Variants in FOXP1 observed in about 807,000 individuals in gnomAD.
FOXP1 encodes forkhead box P1.
Under a neutral mutation model 98.2 loss-of-function variants are expected in FOXP1, and 15 were observed. The observed-to-expected ratio is 0.15, with a 90% confidence interval of 0.10 to 0.24. The LOEUF (loss-of-function observed/expected upper bound fraction) is 0.24, where lower values mean the gene tolerates loss of function less well. Ranked by LOEUF, FOXP1 falls within the 10% of genes least tolerant of loss-of-function variation. The pLI is 1.00. For synonymous variants in FOXP1, 371 were observed against 314.5 expected (o/e 1.18, Z -1.90); for missense variants, 633 against 848.5 (o/e 0.75, Z 3.15).
chr3:71,015,601 A>G lies in FOXP1; in HGVS notation c.922T>C (p.Cys308Arg). ...ACTGCTTCACAGCCTGGCCACTTGC[A>G]TACACCATGTCCATAGAGAGGATGG... ...HSHPLYGHGV[C>R]KWPGCEAVCE... Residue 308 changes from cysteine (C) to arginine (R), a missense_variant, in exon 12 of 21, where the codon TGC (cysteine) becomes CGC (arginine). This residue lies in a region of FOXP1 where 23 missense variants were observed against 92.9 expected (regional missense o/e 0.25). Coordinates refer to ENST00000649528, the MANE Select transcript of FOXP1 (RefSeq NM_001349338.3). 1 of 1,613,450 alleles carries G rather than the reference A, an allele frequency of 6.2e-7. No individual in the cohort carries two copies. Among genetic ancestry groups the G allele is most frequent in the Non-Finnish European group, 8.5e-7 (1 of 1,179,490 alleles).
At chr3:71,028,008 T>TA (rs2046359259) in intron 11 of FOXP1, among the ~76,000 whole-genome samples, 1 of 152,132 alleles carries the variant, frequency 6.6e-6, no homozygotes, top group Admixed American at 6.5e-5. Flanking sequence ...TAACATTTGA[T>TA]CTGGGCCTTA....
intron 11 of FOXP1, among the ~76,000 whole-genome samples, chr3:71,027,421 T>A (rs2046278302): frequency 6.6e-6 from 1 of 152,192 alleles, no homozygotes; most frequent in African/African-American, 2.4e-5. Context: ...TAGCCAAAGA[T>A]ACAAAATGGC....
intron 6 of FOXP1, among the ~76,000 whole-genome samples, chr3:71,131,236 A>T (rs2059552678): frequency 6.6e-6 from 1 of 152,042 alleles, no homozygotes; most frequent in Admixed American, 6.5e-5. Flanking sequence ...CCAGATGCCT[A>T]GCTTGCCTAA....
At chr3:71,319,641 C>T (rs767435073) in intron 4 of FOXP1, among the ~76,000 whole-genome samples, 2 of 152,114 alleles carry the variant, frequency 1.3e-5, no homozygotes, top group South Asian at 2.1e-4. Flanking sequence ...CATCCTGCAG[C>T]CCACACCATG....
At position 71,083,097 on chromosome 3, in the gene FOXP1, C is replaced by A. The variant is rs535065937; in HGVS notation, c.283-29324G>T. ...ATATAGTTTGAATATATGTCCCCAC[C>A]AAATCTTGTGTTGAACTGTAATCCC... On this transcript the variant is annotated intron_variant, in intron 7 of 20. Coordinates refer to ENST00000649528, the MANE Select transcript of FOXP1 (RefSeq NM_001349338.3). 6.4e-4 allele frequency among the ~76,000 whole-genome samples: 98 copies of A among 152,228 alleles called. 2 individuals are homozygous for A. Among genetic ancestry groups the A allele is most frequent in the African/African-American group, 2.2e-3 (92 of 41,532 alleles).
intron 5 of FOXP1, chr3:71,276,306 G>A (rs2070881821): frequency 6.6e-6 from 1 of 152,124 alleles, no homozygotes; most frequent in South Asian, 2.1e-4. Flanking sequence ...TCAAAAGGTA[G>A]TCTGTGAGCT....
chr3:71,579,620 T>G (rs979973863), intron 2 of FOXP1, among the ~76,000 whole-genome samples: 15 of 111,706 alleles, frequency 1.3e-4, no homozygotes, highest in Non-Finnish European at 2.7e-4. Context: ...TTTTTTCTTT[T>G]TTTTCTTTTT....
At chr3:71,476,457 G>A (rs563982286) in intron 3 of FOXP1, among the ~76,000 whole-genome samples, 1 of 152,106 alleles carries the variant, frequency 6.6e-6, no homozygotes, top group South Asian at 2.1e-4. Context: ...GTGGTGTGCA[G>A]TTACACATCA....
intron 6 of FOXP1, among the ~76,000 whole-genome samples, chr3:71,147,965 A>G (rs909612038): frequency 1.3e-5 from 2 of 152,250 alleles, no homozygotes; most frequent in Non-Finnish European, 2.9e-5. Context: ...AAAACACTAG[A>G]GAAATATTTG....
rs549642591 is a variant in FOXP1 at position 71,043,926 on chromosome 3, T to C, written c.665-2394A>G. ...GGCTGGCAATCAGTTCCATTATCCA[T>C]AGAGAAAAATGGTAAATAAAAATAG... On this transcript the variant is annotated intron_variant, in intron 10 of 20. Coordinates refer to ENST00000649528, the MANE Select transcript of FOXP1 (RefSeq NM_001349338.3). Among the ~76,000 whole-genome samples, 6 of 152,280 alleles carry C rather than the reference T, an allele frequency of 3.9e-5. No individual in the cohort carries two copies. The East Asian group carries it at 7.7e-4, about 20-fold the overall frequency.
intron 12 of FOXP1, among the ~76,000 whole-genome samples, chr3:71,005,325 A>AAAC (rs2042638520): frequency 6.7e-6 from 1 of 148,680 alleles, no homozygotes; most frequent in East Asian, 2.0e-4. Flanking sequence ...AAAAAAAAAA[A>AAAC]AAAAAAAAAA....
chr3:70,971,188 C>T (rs2107166540), intron 18 of FOXP1: 3 of 293,350 alleles, frequency 1.0e-5, no homozygotes, highest in East Asian at 8.5e-5. Context: ...CTGCTGGGCA[C>T]GAGCAGAGAG....
At chr3:71,028,021 G>A (rs914149379) in intron 11 of FOXP1, among the ~76,000 whole-genome samples, 3 of 152,074 alleles carry the variant, frequency 2.0e-5, no homozygotes, top group Admixed American at 1.3e-4. Flanking sequence ...GGGCCTTAAC[G>A]TATCAGTAGG....
rs182860985 is a variant in FOXP1 at position 71,109,694 on chromosome 3, T to C, written c.282+2842A>G. On this transcript the variant is annotated intron_variant, in intron 7 of 20. Coordinates refer to ENST00000649528, the MANE Select transcript of FOXP1 (RefSeq NM_001349338.3). ...ATTCCTTCTGTGAATCACCAGTCTA[T>C]ATGCATATTTTTATAATGAGGTAAT... Among the ~76,000 whole-genome samples the C allele has an allele frequency of 2.6e-3, 393 of 152,294 alleles. 1 individual carries two copies. The highest frequency in any genetic ancestry group is 6.8e-3 in the Middle Eastern group (2 of 294).
intron 5 of FOXP1, among the ~76,000 whole-genome samples, chr3:71,271,966 T>A (rs1055487593): frequency 6.6e-6 from 1 of 152,200 alleles, no homozygotes; most frequent in Non-Finnish European, 1.5e-5. Context: ...GATGAATACA[T>A]ATAAGGCATT....
chr3:70,985,561 C>T (rs1046805485), intron 14 of FOXP1, among the ~76,000 whole-genome samples: 2 of 152,022 alleles, frequency 1.3e-5, no homozygotes, highest in Non-Finnish European at 2.9e-5. Flanking sequence ...AGGTTCACTC[C>T]GACAACAGAG....
At chr3:71,264,503 G>T (rs2069453333) in intron 5 of FOXP1, among the ~76,000 whole-genome samples, 2 of 152,212 alleles carry the variant, frequency 1.3e-5, no homozygotes, top group Admixed American at 1.3e-4. Flanking sequence ...GTGTTTTAGA[G>T]AAATTAGTTC....
chr3:71,198,411 AGATGGGGGGAGG>A lies in FOXP1; in HGVS notation c.-11-31_-11-20del. 1 of 379,276 alleles carries A rather than the reference AGATGGGGGGAGG, an allele frequency of 2.6e-6. No homozygotes were observed. The highest frequency in any genetic ancestry group is 5.2e-6 in the Non-Finnish European group (1 of 193,578). 23.5% of individuals were successfully genotyped at this position (379,276 alleles called of 1,614,324 possible). A position where few individuals can be genotyped will look rare whatever the true frequency, so the allele number is the denominator to read the frequency against. ...CAAAAACCTGATACAAGGATTTCCA[AGATGGGGGGAGG>A]GAGGGGGGGAGAAAAAAAAAGCAGC... On this transcript the variant is annotated intron_variant, in intron 5 of 20. Transcript: ENST00000649528.
chr3:70,971,519 G>A (rs1030735842), intron 18 of FOXP1: 1 of 153,534 alleles, frequency 6.5e-6, no homozygotes, highest in African/African-American at 2.4e-5. Context: ...CCTCCCAGTA[G>A]GCAATTACCT....
Sources: allele counts gnomAD v4.1 joint callset (sites outside exome capture counted in the v4.1 genomes callset), GRCh38; gene constraint gnomAD v4.1.1; regional missense constraint gnomAD v4.1.1; transcripts MANE v1.5; gene names NCBI Gene and HGNC (gene_info 2026-07-23, HGNC 2026-07-21).